The following KIF22 variants were observed in gnomAD, a reference collection of about 807,000 sequenced individuals.
KIF22 encodes the protein kinesin family member 22.
KIF22 carries 62 observed loss-of-function variants against 73.0 expected under a neutral mutation model. The ratio of observed to expected loss-of-function variants is 0.85; its 90% CI spans 0.69 to 1.05. The LOEUF (loss-of-function observed/expected upper bound fraction) is 1.05, where lower values mean the gene tolerates loss of function less well. Ranked by LOEUF, KIF22 falls within the 50% of genes least tolerant of loss-of-function variation. KIF22 has a pLI of 0.00. For missense variants in KIF22, 854 were observed against 870.1 expected (o/e 0.98, Z 0.23); for synonymous variants, 411 against 340.1 (o/e 1.21, Z -2.29).
Position 29,799,168 on chromosome 16 carries a change from C to T in KIF22, c.743C>T (p.Ala248Val). ...RLNQRSSRSH[A>V]VLLVKVDQRE... ...AACCAGCGCTCCTCCCGCAGTCATG[C>T]TGTGCTCCTGGTCAAGGTGAGGCCG... Residue 248 changes from alanine (A) to valine (V), a missense_variant, in exon 5 of 14, where the codon GCT becomes GTT. This residue lies in a region of KIF22 where 245 missense variants were observed against 351.8 expected (regional missense o/e 0.70). Transcript: ENST00000160827. 6.2e-7 allele frequency: 1 copy of T among 1,613,764 alleles called. No homozygotes were observed. The highest frequency in any genetic ancestry group is 8.5e-7 in the Non-Finnish European group (1 of 1,179,860).
In KIF22 at chr16:29,790,833, C is replaced by T. The variant is rs372208797; in HGVS notation, c.70+4C>T. ...GCTTCAGCGGCGGCGATCTCAGGTACTTGAGCCCGGCCTGGGCAAGGCGGG... is the reference window on the plus strand; with the variant it reads ...GCTTCAGCGGCGGCGATCTCAGGTATTTGAGCCCGGCCTGGGCAAGGCGGG... On this transcript the variant is annotated splice_donor_region_variant and intron_variant, in intron 1 of 13. Transcript: ENST00000160827. 231 of 1,599,424 alleles carry T rather than the reference C, an allele frequency of 1.4e-4. No homozygotes were observed. The highest frequency in any genetic ancestry group is 1.9e-4 in the Non-Finnish European group (218 of 1,173,156).
intron 11 of KIF22, 137 bp from the exon 12 acceptor site, chr16:29,804,677 C>A: frequency 1.4e-6 from 1 of 729,192 alleles, no homozygotes; most frequent in Non-Finnish European, 2.4e-6. Flanking sequence ...GACCTGAGGG[C>A]GGGATTTTGG....
Position 29,803,995 on chromosome 16 carries a change from C to G in KIF22, c.1610-3C>G, listed in dbSNP as rs1485653849. 1.2e-6 allele frequency: 2 copies of G among 1,612,466 alleles called. No homozygotes were observed. Among genetic ancestry groups the G allele is most frequent in the African/African-American group, 2.7e-5 (2 of 74,850 alleles). On this transcript the variant is annotated splice_region_variant and splice_polypyrimidine_tract_variant and intron_variant, in intron 10 of 13. Coordinates refer to ENST00000160827, the MANE Select transcript of KIF22 (RefSeq NM_007317.3). ...GACTCCAATTCTCGATTCCTACTTTCAGTTCAGGAGCAGGCAGCATCCCCA... is the reference window on the plus strand; with the variant it reads ...GACTCCAATTCTCGATTCCTACTTTGAGTTCAGGAGCAGGCAGCATCCCCA...
chr16:29,791,922 T>C (rs1471952824), intron 1 of KIF22, among the ~76,000 whole-genome samples: 7 of 152,212 alleles, frequency 4.6e-5, no homozygotes, highest in Non-Finnish European at 1.0e-4. Context: ...GAATGAATAA[T>C]GTCCCTTCCT....
rs1317853017 is a variant in KIF22 at position 29,804,996 on chromosome 16, C to G, written c.1860C>G (p.Gly620=). The change falls in exon 12 of 14, where the codon GGC becomes GGG. Residue 620 remains glycine, a synonymous_variant. Transcript: ENST00000160827. ...IGPKKAQLIV[G]WRELHGPFSQ... is the part of the protein sequence containing the mutation. ...CGAAGAAGGCCCAGCTAATCGTGGG[C>G]TGGCGGGAGCTCCACGGCCCCTTCA... 13 of 1,508,420 alleles carry G rather than the reference C, an allele frequency of 8.6e-6. No individual in the cohort carries two copies. The highest frequency in any genetic ancestry group is 1.8e-5 in the Admixed American group (1 of 56,294). 93.4% of individuals were successfully genotyped at this position (1,508,420 alleles called of 1,614,324 possible). A position where few individuals can be genotyped will look rare whatever the true frequency, so the allele number is the denominator to read the frequency against.
At chr16:29,800,153 C>T (rs1320979479) in intron 8 of KIF22, 105 bp downstream of exon 8, 18 of 1,351,786 alleles carry the variant, frequency 1.3e-5, no homozygotes, top group Non-Finnish European at 1.5e-5. Flanking sequence ...TCTTGTTCCT[C>T]TCCCATTAAA....
intron 9 of KIF22, 36 bp from the exon 10 acceptor site, chr16:29,803,413 G>C: frequency 6.2e-7 from 1 of 1,609,792 alleles, no homozygotes; most frequent in Non-Finnish European, 8.5e-7. Context: ...CCCTGGAGTT[G>C]GGTCTGGATC....
At chr16:29,803,940 C>G (rs1899237940) in intron 10 of KIF22, 58 bp from the exon 11 acceptor site, 3 of 1,303,022 alleles carry the variant, frequency 2.3e-6, no homozygotes, top group Admixed American at 3.4e-5. Flanking sequence ...CGAAGGGCTA[C>G]CAGGGAGGGT....
Position 29,799,257 on chromosome 16 carries a change from C to T in KIF22, c.760-7C>T, listed in dbSNP as rs373688433. The T allele has an allele frequency of 1.9e-6, 3 of 1,612,784 alleles. No individual in the cohort carries two copies. Among genetic ancestry groups the T allele is most frequent in the African/African-American group, 1.3e-5 (1 of 74,902 alleles). On this transcript the variant is annotated splice_polypyrimidine_tract_variant and splice_region_variant and intron_variant, in intron 5 of 13. Transcript: ENST00000160827. ...GCTAAGCACGAGACCTTTGTTCTTA[C>T]CCCCAGGTGGACCAGCGGGAACGTT...
rs377560147 is a variant in KIF22, at chr16:29,804,913, C to T, written c.1777C>T (p.Leu593=). The T allele has an allele frequency of 1.3e-5, 21 of 1,613,850 alleles. No homozygotes were observed. The African/African-American group carries it at 2.3e-4, about 17-fold the overall frequency. The part of the protein sequence containing the change: ...ELLAHGRQKI[L]DLLNEGSARD... ...ACTGGCTCATGGGCGCCAAAAAATA[C>T]TGGATCTGCTGAACGAAGGCTCAGC... The change falls in exon 12 of 14, where the codon CTG becomes TTG. Residue 593 remains leucine, a synonymous_variant. Transcript: ENST00000160827.
At chr16:29,803,382 TAA>T in intron 9 of KIF22, 65 bp from the exon 10 acceptor site, 1 of 1,588,028 alleles carries the variant, frequency 6.3e-7, no homozygotes, top group Non-Finnish European at 8.6e-7. Context: ...CTCACCCTGG[TAA>T]CCCACTCCCT....
intron 1 of KIF22, among the ~76,000 whole-genome samples, chr16:29,793,266 C>A (rs1303245649): frequency 6.6e-6 from 1 of 152,130 alleles, no homozygotes; most frequent in Non-Finnish European, 1.5e-5. Context: ...CATGGTGAAA[C>A]CCTGTCTCTA....
At chr16:29,794,475 G>A (rs1898899567) in intron 1 of KIF22, among the ~76,000 whole-genome samples, 1 of 152,176 alleles carries the variant, frequency 6.6e-6, no homozygotes, top group Non-Finnish European at 1.5e-5. Flanking sequence ...TTAGCTAGCT[G>A]TAAATGGCAG....
At position 29,790,815 on chromosome 16, in the gene KIF22, C is replaced by G; in HGVS notation, c.56C>G (p.Ala19Gly). The G allele has an allele frequency of 6.2e-7, 1 of 1,602,268 alleles. No individual in the cohort carries two copies. The highest frequency in any genetic ancestry group is 1.3e-5 in the African/African-American group (1 of 74,866). Reference sequence around the variant, plus strand: ...CGACGCGAGATGGCGGCAGCTTCAGCGGCGGCGATCTCAGGTACTTGAGCC... The same window carrying G: ...CGACGCGAGATGGCGGCAGCTTCAGGGGCGGCGATCTCAGGTACTTGAGCC... Reference protein sequence around the residue: ...QRRREMAAASAAAISGAGRCR... With the variant: ...QRRREMAAASGAAISGAGRCR... Residue 19 changes from alanine (A) to glycine (G), a missense_variant, in exon 1 of 14, where the codon GCG becomes GGG. Ala to Gly is a moderately conservative substitution (Grantham distance 60). Coordinates refer to ENST00000160827, the MANE Select transcript of KIF22 (RefSeq NM_007317.3).
intron 8 of KIF22, among the ~76,000 whole-genome samples, chr16:29,801,681 C>G (rs1290913117): frequency 4.6e-5 from 7 of 152,094 alleles, no homozygotes; most frequent in African/African-American, 1.7e-4. Context: ...TATATGATAC[C>G]AGGTGGAGAA....
chr16:29,804,743 T>C, intron 11 of KIF22, 71 bp from the exon 12 acceptor site: 1 of 1,261,024 alleles, frequency 7.9e-7, no homozygotes, highest in Middle Eastern at 1.9e-4. Context: ...GGTGCTGGGC[T>C]CCTAGTCTTG....
intron 1 of KIF22, 81 bp from the exon 2 acceptor site, chr16:29,796,812 C>T: frequency 7.3e-7 from 1 of 1,376,856 alleles, no homozygotes; most frequent in Admixed American, 1.7e-5. Flanking sequence ...GCTGTGGCCC[C>T]CAGCCCGCCC....
chr16:29,798,329 C>T lies in KIF22; in HGVS notation c.267-45C>T. 1 of 1,556,174 alleles carries T rather than the reference C, an allele frequency of 6.4e-7. No homozygotes were observed. Among genetic ancestry groups the T allele is most frequent in the Non-Finnish European group, 8.7e-7 (1 of 1,150,300 alleles). ...TCCACCCCTTACACACACACACACA[C>T]ACACACACACACACACACGCTAATT... On this transcript the variant is annotated intron_variant, in intron 2 of 13. Transcript: ENST00000160827. This position sits in a 1 kb window ranked among gnomAD's most constrained non-coding sequence, Gnocchi z 4.1.
At chr16:29,793,310 T>G (rs1035911066) in intron 1 of KIF22, among the ~76,000 whole-genome samples, 1 of 152,064 alleles carries the variant, frequency 6.6e-6, no homozygotes, top group Non-Finnish European at 1.5e-5. Context: ...CGTGGTGGCG[T>G]GCACCTGTAG....
Sources: allele counts gnomAD v4.1 joint callset (sites outside exome capture counted in the v4.1 genomes callset), GRCh38; gene constraint gnomAD v4.1.1; regional missense constraint gnomAD v4.1.1; non-coding constraint Gnocchi (gnomAD v3.1); transcripts MANE v1.5; gene names NCBI Gene and HGNC (gene_info 2026-07-23, HGNC 2026-07-21).